RSRC1: variants seen among roughly 807,000 people sequenced by gnomAD.
RSRC1 encodes the protein arginine and serine rich coiled-coil 1, also known as serine/Arginine-related protein 53.
A neutral mutation model predicts 49.1 loss-of-function variants in RSRC1; 39 were observed. The ratio of observed to expected loss-of-function variants is 0.79; its 90% CI spans 0.61 to 1.04. The LOEUF (loss-of-function observed/expected upper bound fraction) is 1.04, where lower values mean the gene tolerates loss of function less well. Ranked by LOEUF, RSRC1 falls within the 50% of genes least tolerant of loss-of-function variation. The pLI, the probability that RSRC1 is intolerant of heterozygous loss-of-function variation, is 0.00. For missense variants in RSRC1, 388 were observed against 402.4 expected (o/e 0.96, Z 0.31); for synonymous variants, 143 against 130.8 (o/e 1.09, Z -0.63).
chr3:158,369,851 T>C (rs1427409229), intron 6 of RSRC1, among the ~76,000 whole-genome samples: 2 of 152,102 alleles, frequency 1.3e-5, no homozygotes, highest in Non-Finnish European at 2.9e-5. Context: ...AATTGAGTTA[T>C]ACATTAATAA....
At chr3:158,482,147 C>G (rs559281213) in intron 7 of RSRC1, among the ~76,000 whole-genome samples, 1 of 151,748 alleles carries the variant, frequency 6.6e-6, no homozygotes, top group Non-Finnish European at 1.5e-5. Context: ...TTATTAAATT[C>G]TTTTTAATAG....
At chr3:158,477,753 A>G (rs1738427835) in intron 7 of RSRC1, among the ~76,000 whole-genome samples, 1 of 143,718 alleles carries the variant, frequency 7.0e-6, no homozygotes, top group Non-Finnish European at 1.5e-5. Context: ...ACAGGTCACA[A>G]GGAGAACCGT....
intron 7 of RSRC1, among the ~76,000 whole-genome samples, chr3:158,517,861 C>T (rs1006819600): frequency 2.3e-4 from 31 of 136,040 alleles, no homozygotes; most frequent in African/African-American, 7.8e-4. Context: ...GCCTCTGCTT[C>T]GCAAAGTGAG....
At chr3:158,127,879 A>G (rs1297826179) in intron 3 of RSRC1, among the ~76,000 whole-genome samples, 2 of 150,016 alleles carry the variant, frequency 1.3e-5, no homozygotes, top group African/African-American at 4.9e-5. Flanking sequence ...TTTTCAATAT[A>G]TGCCAGCTTC....
chr3:158,500,836 AT>A (rs568778177), intron 7 of RSRC1, among the ~76,000 whole-genome samples: 4 of 150,782 alleles, frequency 2.7e-5, no homozygotes, highest in Non-Finnish European at 4.4e-5. Context: ...TATCTTTTGT[AT>A]TTTTTTTGTT....
At chr3:158,418,235 C>G (rs190519809) in intron 6 of RSRC1, among the ~76,000 whole-genome samples, 84 of 151,992 alleles carry the variant, frequency 5.5e-4, no homozygotes, top group Non-Finnish European at 4.7e-4. Context: ...TATTGTCCAT[C>G]AATAAAAGCC....
intron 4 of RSRC1, among the ~76,000 whole-genome samples, chr3:158,256,606 C>T (rs906103041): frequency 1.3e-5 from 2 of 152,040 alleles, no homozygotes; most frequent in African/African-American, 4.8e-5. Flanking sequence ...GGGAGGATTC[C>T]CTCTTTTTCT....
At chr3:158,344,888 C>A (rs1272764854) in intron 5 of RSRC1, among the ~76,000 whole-genome samples, 1 of 151,926 alleles carries the variant, frequency 6.6e-6, no homozygotes, top group East Asian at 1.9e-4. Flanking sequence ...GAGTTAAAGC[C>A]AATAAGCCAA....
chr3:158,349,354 T>C (rs986251718), intron 5 of RSRC1, among the ~76,000 whole-genome samples: 1 of 152,180 alleles, frequency 6.6e-6, no homozygotes, highest in Admixed American at 6.5e-5. Context: ...TTCATGTGTT[T>C]GTTGGCCACT....
chr3:158,135,338 C>T (rs1185711588), intron 3 of RSRC1, among the ~76,000 whole-genome samples: 1 of 150,976 alleles, frequency 6.6e-6, no homozygotes, highest in Admixed American at 6.6e-5. Context: ...GGCGCAACCT[C>T]GGCTCACTAC....
intron 6 of RSRC1, among the ~76,000 whole-genome samples, chr3:158,441,189 A>G (rs1736361872): frequency 6.6e-6 from 1 of 152,030 alleles, no homozygotes; most frequent in South Asian, 2.1e-4. Context: ...GATTCTCTAA[A>G]TCTGGGTTAT....
intron 5 of RSRC1, among the ~76,000 whole-genome samples, chr3:158,330,310 G>T (rs1026730006): frequency 1.3e-5 from 2 of 152,202 alleles, no homozygotes; most frequent in Non-Finnish European, 2.9e-5. Context: ...CCCGTCTTCT[G>T]CGTCGCTCAC....
chr3:158,497,467 C>T (rs1739391323), intron 7 of RSRC1, among the ~76,000 whole-genome samples: 1 of 143,156 alleles, frequency 7.0e-6, no homozygotes, highest in Admixed American at 7.2e-5. Context: ...GATGGAGTCT[C>T]ATTCAGCCGC....
Position 158,544,318 on chromosome 3 carries a change from G to T in RSRC1, c.*43G>T. 1 of 1,271,886 alleles carries T rather than the reference G, an allele frequency of 7.9e-7. No homozygotes were observed. The highest frequency in any genetic ancestry group is 1.4e-5 in the South Asian group (1 of 69,570). The allele number at this position is 1,271,886 out of a possible 1,614,324, so 78.8% of individuals were successfully genotyped here. A position where few individuals can be genotyped will look rare whatever the true frequency, so the allele number is the denominator to read the frequency against. On this transcript the variant is annotated 3_prime_UTR_variant, in exon 10 of 10. Transcript: ENST00000611884. ...GGATTGGATTGTCAGCAGTAACATT[G>T]GAAATTTAGGTTTTTAAATCCCAAT...
intron 4 of RSRC1, among the ~76,000 whole-genome samples, chr3:158,239,876 T>A (rs1723469646): frequency 6.6e-6 from 1 of 152,200 alleles, no homozygotes; most frequent in Non-Finnish European, 1.5e-5. Context: ...ATAATAGAAA[T>A]TTTTAGATGA....
chr3:158,417,185 A>C (rs1734785320), intron 6 of RSRC1, among the ~76,000 whole-genome samples: 1 of 152,072 alleles, frequency 6.6e-6, no homozygotes, highest in African/African-American at 2.4e-5. Context: ...AATTCTCAAC[A>C]CAGAACTTTA....
At chr3:158,381,786 A>G (rs1481534500) in intron 6 of RSRC1, among the ~76,000 whole-genome samples, 2 of 152,172 alleles carry the variant, frequency 1.3e-5, no homozygotes, top group Non-Finnish European at 2.9e-5. Context: ...AAAGATAAAA[A>G]ATAATGCACT....
chr3:158,456,578 A>T (rs1173917503), intron 6 of RSRC1, among the ~76,000 whole-genome samples: 4 of 152,184 alleles, frequency 2.6e-5, no homozygotes, highest in African/African-American at 7.2e-5. Flanking sequence ...GTACCTATGG[A>T]AAAAAGAAGC....
At chr3:158,229,340 GTA>G (rs1249047863) in intron 4 of RSRC1, among the ~76,000 whole-genome samples, 1 of 147,066 alleles carries the variant, frequency 6.8e-6, no homozygotes, top group Non-Finnish European at 1.5e-5. Flanking sequence ...ATATGTGTAT[GTA>G]TGTATATATA....
Sources: allele counts gnomAD v4.1 joint callset (sites outside exome capture counted in the v4.1 genomes callset), GRCh38; gene constraint gnomAD v4.1.1; transcripts MANE v1.5; gene names NCBI Gene and HGNC (gene_info 2026-07-23, HGNC 2026-07-21).